Variants in HTATSF1 observed in about 807,000 individuals in gnomAD.
The protein encoded by HTATSF1 is 17S U2 SnRNP complex component HTATSF1.
In HTATSF1, 6 loss-of-function variants were observed where a neutral mutation model predicts 46.1. That is an observed-to-expected ratio of 0.13 (90% confidence interval 0.07 to 0.26). The LOEUF (loss-of-function observed/expected upper bound fraction) is 0.26, where lower values mean the gene tolerates loss of function less well. Ranked by LOEUF, HTATSF1 falls within the 10% of genes least tolerant of loss-of-function variation. The probability of loss-of-function intolerance (pLI) is 1.00; values close to 1 mark genes in which losing one functional copy is unlikely to be tolerated. For missense variants in HTATSF1, 452 were observed against 559.9 expected (o/e 0.81, Z 1.94); for synonymous variants, 226 against 211.5 (o/e 1.07, Z -0.60).
rs1054392390 is a variant in HTATSF1 at position 136,508,196 on chromosome X, G to A, written c.835-895G>A. Reference sequence around the variant, plus strand: ...TTTAGCTGATGAGAAAAATGAAAGCGTGTAAGAAAGATAGATGCGCTTAAA... The same window carrying A: ...TTTAGCTGATGAGAAAAATGAAAGCATGTAAGAAAGATAGATGCGCTTAAA... On this transcript the variant is annotated intron_variant, in intron 6 of 8. Transcript: ENST00000218364. Among the ~76,000 whole-genome samples, 14 of 112,476 alleles carry A rather than the reference G, an allele frequency of 1.2e-4. No individual in the cohort carries two copies. The Admixed American group carries it at 1.3e-3, about 11-fold the overall frequency.
chrX:136,511,612 G>A lies in HTATSF1; in HGVS notation c.1867G>A (p.Asp623Asn). The change falls in exon 9 of 9, where the codon GAT (aspartate) becomes AAT (asparagine). Residue 623 changes from aspartate to asparagine, a missense_variant. Asp to Asn is a conservative substitution (Grantham distance 23). This residue lies in a region of HTATSF1 where 246 missense variants were observed against 245.3 expected (regional missense o/e 1.00). Transcript: ENST00000218364. The stretch of plus-strand genomic sequence containing the variant: ...AGGCTCTGAGAGAGAGTTTGACGAA[G>A]ATTCAGATGAAAAGGAAGAAGAGGA... ...EEGSEREFDE[D>N]SDEKEEEEDT... The A allele has an allele frequency of 8.3e-7, 1 of 1,211,009 alleles. No individual in the cohort carries two copies. The highest frequency in any genetic ancestry group is 1.8e-5 in the South Asian group (1 of 56,875).
chrX:136,508,013 A>C (rs1419845073), intron 6 of HTATSF1, among the ~76,000 whole-genome samples: 1 of 112,334 alleles, frequency 8.9e-6, no homozygotes, highest in Non-Finnish European at 1.9e-5. Flanking sequence ...GGAAGTCCAG[A>C]GTTCTGCCAA....
Position 136,510,796 on chromosome X carries a change from A to G in HTATSF1, c.1063-12A>G. 1 of 1,175,392 alleles carries G rather than the reference A, an allele frequency of 8.5e-7. No homozygotes were observed. The highest frequency in any genetic ancestry group is 1.1e-6 in the Non-Finnish European group (1 of 881,404). On this transcript the variant is annotated splice_polypyrimidine_tract_variant and intron_variant, in intron 8 of 8. Transcript: ENST00000218364. Reference sequence around the variant, plus strand: ...GAAACTTATTTTAATGGCAGTCTCCATTTATCCACAGGTGGAGGAAACCTC... The same window carrying G: ...GAAACTTATTTTAATGGCAGTCTCCGTTTATCCACAGGTGGAGGAAACCTC...
At chrX:136,500,054 C>T (rs2075710969) in intron 2 of HTATSF1, 104 bp from the exon 3 acceptor site, 2 of 570,228 alleles carry the variant, frequency 3.5e-6, no homozygotes, top group Non-Finnish European at 6.0e-6. Flanking sequence ...ACAGAAAGGT[C>T]GTCCTGGAAG....
chrX:136,511,588 G>T lies in HTATSF1; in HGVS notation c.1843G>T (p.Gly615Cys). The change falls in exon 9 of 9, where the codon GGC (glycine) becomes TGC (cysteine). Residue 615 changes from glycine to cysteine, a missense_variant. Gly to Cys is a radical substitution (Grantham distance 159). This residue lies in a region of HTATSF1 where 246 missense variants were observed against 245.3 expected (regional missense o/e 1.00). Transcript: ENST00000218364. ...CTCTGAAAAAGTGTTAGATGAGGAAGGCTCTGAGAGAGAGTTTGACGAAGA... is the reference window on the plus strand; with the variant it reads ...CTCTGAAAAAGTGTTAGATGAGGAATGCTCTGAGAGAGAGTTTGACGAAGA... Reference protein sequence around the residue: ...DGSEKVLDEEGSEREFDEDSD... With the variant: ...DGSEKVLDEECSEREFDEDSD... 8.3e-7 allele frequency: 1 copy of T among 1,211,042 alleles called. No homozygotes were observed. Among genetic ancestry groups the T allele is most frequent in the Non-Finnish European group, 1.1e-6 (1 of 894,931 alleles).
chrX:136,509,098 C>T lies in HTATSF1; in HGVS notation c.842C>T (p.Pro281Leu), dbSNP rs778607451. The change falls in exon 7 of 9, where the codon CCG becomes CTG. Residue 281 changes from proline to leucine, a missense_variant. Transcript: ENST00000218364. ...ATCATGCATATTTTTCAGGATGATC[C>T]GTTGGTGCTGAATGAGATCAGAGAA... ...MFHPMDFEDD[P>L]LVLNEIREDL... 1 of 1,201,330 alleles carries T rather than the reference C, an allele frequency of 8.3e-7. No individual in the cohort carries two copies. Among genetic ancestry groups the T allele is most frequent in the Non-Finnish European group, 1.1e-6 (1 of 886,524 alleles).
chrX:136,498,561 G>A (rs2075702870), intron 1 of HTATSF1, among the ~76,000 whole-genome samples: 1 of 112,437 alleles, frequency 8.9e-6, no homozygotes, highest in African/African-American at 3.2e-5. Context: ...GAGCAGGAAA[G>A]GGCACACTAA....
In HTATSF1 at chrX:136,511,108, G is replaced by A. The variant is rs781072743; in HGVS notation, c.1363G>A (p.Glu455Lys). 16 of 1,209,227 alleles carry A rather than the reference G, an allele frequency of 1.3e-5. No individual in the cohort carries two copies. Among genetic ancestry groups the A allele is most frequent in the South Asian group, 3.5e-5 (2 of 56,649 alleles). The change falls in exon 9 of 9, where the codon GAA (glutamate) becomes AAA (lysine). Residue 455 changes from glutamate to lysine, a missense_variant. Glu to Lys is a moderately conservative substitution (Grantham distance 56). Coordinates refer to ENST00000218364, the MANE Select transcript of HTATSF1 (RefSeq NM_014500.5). ...SENNAKESSP[E>K]KEAEEGCPEK... is the part of the protein sequence containing the mutation. ...AAACAATGCTAAGGAAAGTAGCCCCGAAAAAGAGGCTGAAGAAGGCTGCCC... is the reference window on the plus strand; with the variant it reads ...AAACAATGCTAAGGAAAGTAGCCCCAAAAAAGAGGCTGAAGAAGGCTGCCC...
chrX:136,499,165 G>A, intron 1 of HTATSF1, among the ~76,000 whole-genome samples: 1 of 112,676 alleles, frequency 8.9e-6, no homozygotes, highest in Non-Finnish European at 1.9e-5. Context: ...GTATATTGGT[G>A]CATCTGTACA....
At chrX:136,497,520 G>T, upstream of HTATSF1, 1 of 316,455 alleles carries the variant, frequency 3.2e-6, no homozygotes, top group South Asian at 1.7e-4. Context: ...TGCAGCCGCC[G>T]AGCGGCCGCG....
chrX:136,509,961 C>T, intron 7 of HTATSF1, 121 bp from the exon 8 acceptor site: 2 of 599,378 alleles, frequency 3.3e-6, no homozygotes, highest in Non-Finnish European at 4.9e-6. Context: ...AGACTTCATA[C>T]ATAAAGTCTT....
At chrX:136,506,932 G>A (rs1334132960) in intron 6 of HTATSF1, among the ~76,000 whole-genome samples, 1 of 112,504 alleles carries the variant, frequency 8.9e-6, no homozygotes, top group African/African-American at 3.2e-5. Context: ...TCAGTTCATC[G>A]CTTCTACTAG....
At chrX:136,497,546 C>A, upstream of HTATSF1, 1 of 432,875 alleles carries the variant, frequency 2.3e-6, no homozygotes, top group Non-Finnish European at 3.7e-6. Flanking sequence ...CCGGGGACTG[C>A]TGGGGCGCAG....
chrX:136,511,702 G>A lies in HTATSF1; in HGVS notation c.1957G>A (p.Glu653Lys). ...DEKEDEEYAD[E>K]KGLEAADKKA... The stretch of plus-strand genomic sequence containing the variant: ...GAAAGAGGATGAAGAATATGCAGAT[G>A]AAAAGGGGCTTGAAGCTGCTGATAA... Residue 653 changes from glutamate (E) to lysine (K), a missense_variant, in exon 9 of 9, where the codon GAA (glutamate) becomes AAA (lysine). Glu to Lys is a moderately conservative substitution (Grantham distance 56). Coordinates refer to ENST00000218364, the MANE Select transcript of HTATSF1 (RefSeq NM_014500.5). The A allele has an allele frequency of 8.3e-7, 1 of 1,211,516 alleles. No homozygotes were observed. Among genetic ancestry groups the A allele is most frequent in the Non-Finnish European group, 1.1e-6 (1 of 895,173 alleles).
chrX:136,509,226 C>G lies in HTATSF1; in HGVS notation c.924+46C>G, dbSNP rs763089655. 5 of 916,774 alleles carry G rather than the reference C, an allele frequency of 5.5e-6. No homozygotes were observed. The Admixed American group carries it at 1.1e-4, about 20-fold the overall frequency. 75.6% of individuals were successfully genotyped at this position (916,774 alleles called of 1,213,427 possible). On this transcript the variant is annotated intron_variant, in intron 7 of 8. Coordinates refer to ENST00000218364, the MANE Select transcript of HTATSF1 (RefSeq NM_014500.5). The stretch of plus-strand genomic sequence containing the variant: ...TATGGATCCTAAAGCAATAATTCCT[C>G]CACCTTATAAGTTCTTCTCAGATGT...
chrX:136,502,462 A>G (rs1394564741), intron 4 of HTATSF1, among the ~76,000 whole-genome samples: 1 of 111,101 alleles, frequency 9.0e-6, no homozygotes, highest in Non-Finnish European at 1.9e-5. Context: ...GCATTATTTC[A>G]TTTAATTTTG....
In HTATSF1 at chrX:136,511,734, G is replaced by A. The variant is rs148797456; in HGVS notation, c.1989G>A (p.Ala663=). 146 of 1,209,968 alleles carry A rather than the reference G, an allele frequency of 1.2e-4. No homozygotes were observed. Among genetic ancestry groups the A allele is most frequent in the Non-Finnish European group, 1.5e-4 (138 of 895,180 alleles). ...EKGLEAADKK[A]EEGDADEKLF... ...GGCTTGAAGCTGCTGATAAAAAGGC[G>A]GAAGAAGGTGATGCAGATGAAAAGC... is the stretch of plus-strand genomic sequence containing the variant. Residue 663 remains alanine, a synonymous_variant, in exon 9 of 9, where the codon GCG becomes GCA. Transcript: ENST00000218364.
intron 5 of HTATSF1, among the ~76,000 whole-genome samples, chrX:136,503,780 T>C (rs1745792630): frequency 8.9e-6 from 1 of 112,389 alleles, no homozygotes; most frequent in African/African-American, 3.2e-5. Context: ...CTCATTGGAA[T>C]GTTTGTATAA....
At chrX:136,507,492 CAG>C (rs2075747359) in intron 6 of HTATSF1, among the ~76,000 whole-genome samples, 2 of 108,820 alleles carry the variant, frequency 1.8e-5, no homozygotes, top group African/African-American at 6.7e-5. Flanking sequence ...ATCCGGGAGG[CAG>C]AGGCTGCAGT....
Sources: gnomAD v4.1 joint callset for allele counts (sites outside exome capture counted in the v4.1 genomes callset) on GRCh38, gnomAD v4.1.1 for gene constraint, gnomAD v4.1.1 regional missense constraint, MANE v1.5 for transcripts, NCBI Gene and HGNC (gene_info 2026-07-23, HGNC 2026-07-21) for gene names.